Variants in ABL1 observed in about 807,000 individuals in gnomAD.
ABL1 encodes the protein ABL proto-oncogene 1, non-receptor tyrosine kinase.
A neutral mutation model predicts 94.7 loss-of-function variants in ABL1; 11 were observed. That is an observed-to-expected ratio of 0.12 (90% CI 0.07 to 0.19). ABL1 has a LOEUF of 0.19. Among genes scored for constraint, ABL1 ranks in the 10% least tolerant of loss-of-function variants. The pLI is 1.00. For missense variants in ABL1, 1,082 were observed against 1,489.4 expected (o/e 0.73, Z 4.50); for synonymous variants, 656 against 622.4 (o/e 1.05, Z -0.80).
At chr9:130,779,728 G>A (rs753432627) in intron 1 of ABL1, among the ~76,000 whole-genome samples, 2 of 152,220 alleles carry the variant, frequency 1.3e-5, no homozygotes, top group South Asian at 4.2e-4. Flanking sequence ...CGTGTTATGT[G>A]GGGAGTTACT....
chr9:130,884,276 C>A lies in ABL1; in HGVS notation c.1986C>A (p.Pro662=). 6.2e-7 allele frequency: 1 copy of A among 1,600,544 alleles called. No homozygotes were observed. ...CTGACCCAGCCAAGTCCCCAAAGCC[C>A]AGCAATGGGGCTGGGGTCCCCAATG... The part of the protein sequence containing the change: ...DTADPAKSPK[P]SNGAGVPNGA... Residue 662 remains proline, a synonymous_variant, in exon 11 of 11, where the codon CCC becomes CCA. Transcript: ENST00000318560. The surrounding 1 kb of genome is among the most constrained non-coding windows in gnomAD (Gnocchi z 5.6).
chr9:130,812,200 C>CA (rs35352789), intron 1 of ABL1, among the ~76,000 whole-genome samples: 7,609 of 48,270 alleles, frequency 0.16, 366 homozygotes, highest in Non-Finnish European at 0.22. Context: ...TCCATCTCTA[C>CA]AAAAAAAAAA....
chr9:130,808,244 C>CT lies in ABL1; in HGVS notation c.137-45818dup, dbSNP rs1267733961. Among the ~76,000 whole-genome samples the CT allele has an allele frequency of 1.4e-3, 136 of 98,620 alleles. 2 individuals are homozygous for CT. The highest frequency in any genetic ancestry group is 1.9e-3 in the Non-Finnish European group (94 of 50,806). 64.7% of individuals were successfully genotyped at this position (98,620 alleles called of 152,430 possible). On this transcript the variant is annotated intron_variant, in intron 1 of 10. Coordinates refer to the ABL1 transcript ENST00000372348. ...TCTTCTTCTTCTTCTTCTTCTTCTT[C>CT]TTCTTTTTTTTTTTTTTGAAATGGA...
At chr9:130,714,782 CTA>C (rs1214975309) in intron 1 of ABL1, among the ~76,000 whole-genome samples, 1 of 152,202 alleles carries the variant, frequency 6.6e-6, no homozygotes, top group African/African-American at 2.4e-5. Flanking sequence ...GTCCCTGGTT[CTA>C]TGATTCTGCT....
Position 130,720,954 on chromosome 9 carries a change from T to G in ABL1, c.136+6499T>G, listed in dbSNP as rs530433462. Among the ~76,000 whole-genome samples the G allele has an allele frequency of 6.6e-5, 10 of 151,336 alleles. 1 individual carries two copies. The South Asian group carries it at 2.1e-3, about 32-fold the overall frequency. On this transcript the variant is annotated intron_variant, in intron 1 of 10. Coordinates refer to the ABL1 transcript ENST00000372348. ...AGGTCGAGGCTGCAGTGGTAAGCTGTGATTGCGCCACTGCACTCCAGCCTG... is the reference window on the plus strand; with the variant it reads ...AGGTCGAGGCTGCAGTGGTAAGCTGGGATTGCGCCACTGCACTCCAGCCTG...
Position 130,880,436 on chromosome 9 carries a change from C to T in ABL1, c.1514-64C>T. On this transcript the variant is annotated intron_variant, in intron 9 of 10. Coordinates refer to ENST00000318560, the MANE Select transcript of ABL1 (RefSeq NM_005157.6). The surrounding 1 kb of genome is among the most constrained non-coding windows in gnomAD (Gnocchi z 4.4). ...ACCTTACAAAGAAAGAGAACCACCA[C>T]ACCAAGCCAACACCAGTACTGATGG... 3 of 1,582,102 alleles carry T rather than the reference C, an allele frequency of 1.9e-6. No individual in the cohort carries two copies. The highest frequency in any genetic ancestry group is 1.4e-5 in the African/African-American group (1 of 73,764).
rs1027888357 is a variant in ABL1, at chr9:130,884,633, G to C, written c.2343G>C (p.Thr781=). The C allele has an allele frequency of 6.2e-7, 1 of 1,613,334 alleles. No homozygotes were observed. Among genetic ancestry groups the C allele is most frequent in the Non-Finnish European group, 8.5e-7 (1 of 1,180,024 alleles). ...ACCAGGTGACCCGAGGCACAGTAAC[G>C]CCTCCCCCCAGGCTGGTGAAAAAGA... ...RSDQVTRGTV[T]PPPRLVKKNE... is the part of the protein sequence containing the mutation. The change falls in exon 11 of 11, where the codon ACG becomes ACC. Residue 781 remains threonine (T), a synonymous_variant. Transcript: ENST00000318560. The surrounding 1 kb of genome is among the most constrained non-coding windows in gnomAD (Gnocchi z 5.6).
Position 130,760,263 on chromosome 9 carries a change from C to T in ABL1, c.136+45808C>T, listed in dbSNP as rs985816236. ...GCTGTACCAAGGGTAAACAGTAGCT[C>T]CCTCCTTAACATCAGTCCTTTAGTG... On this transcript the variant is annotated intron_variant, in intron 1 of 10. Coordinates refer to the ABL1 transcript ENST00000372348. Among the ~76,000 whole-genome samples the T allele has an allele frequency of 3.0e-4, 46 of 152,124 alleles. 1 individual carries two copies. The highest frequency in any genetic ancestry group is 6.6e-4 in the Non-Finnish European group (45 of 68,032).
chr9:130,736,391 G>A (rs942198712), intron 1 of ABL1, among the ~76,000 whole-genome samples: 4 of 152,150 alleles, frequency 2.6e-5, no homozygotes, highest in Non-Finnish European at 5.9e-5. Context: ...AGAGTGTATT[G>A]TCAAGCTTTG....
At chr9:130,803,067 T>A (rs1830077201) in intron 1 of ABL1, among the ~76,000 whole-genome samples, 1 of 152,142 alleles carries the variant, frequency 6.6e-6, no homozygotes, top group East Asian at 1.9e-4. Context: ...GAGACAGAAG[T>A]CTTCCTCTGT....
At chr9:130,724,458 A>G (rs1831553368) in intron 1 of ABL1, among the ~76,000 whole-genome samples, 1 of 151,680 alleles carries the variant, frequency 6.6e-6, no homozygotes, top group African/African-American at 2.4e-5. Flanking sequence ...ATATATGTTT[A>G]TTTTATTTAT....
rs1168330887 is a variant in ABL1 at position 130,735,959 on chromosome 9, A to ATTTTTTTTT, written c.136+21505_136+21506insTTTTTTTTT. Among the ~76,000 whole-genome samples the ATTTTTTTTT allele has an allele frequency of 3.8e-3, 313 of 81,680 alleles. 5 individuals are homozygous for ATTTTTTTTT. Among genetic ancestry groups the ATTTTTTTTT allele is most frequent in the African/African-American group, 0.026 (299 of 11,540 alleles). The allele number at this position is 81,680 out of a possible 152,430, so 53.6% of individuals were successfully genotyped here. On this transcript the variant is annotated intron_variant, in intron 1 of 10. Coordinates refer to the ABL1 transcript ENST00000372348. The stretch of plus-strand genomic sequence containing the variant: ...CATATATATATATATATATATATAT[A>ATTTTTTTTT]TATTTTTTTTTTTTAAGACAGGGTC...
Position 130,885,901 on chromosome 9 carries a change from T to C in ABL1, c.*218T>C. On this transcript the variant is annotated 3_prime_UTR_variant, in exon 11 of 11. Transcript: ENST00000318560. ...ACCTTCCTCCTCCCCGCTCCGTCTC[T>C]GTCCTCGAATTTTATCTGTGGAGTT... 1.7e-6 allele frequency: 1 copy of C among 605,770 alleles called. No individual in the cohort carries two copies. Among genetic ancestry groups the C allele is most frequent in the Non-Finnish European group, 2.8e-6 (1 of 358,764 alleles). 37.5% of individuals were successfully genotyped at this position (605,770 alleles called of 1,614,324 possible). A position where few individuals can be genotyped will look rare whatever the true frequency, so the allele number is the denominator to read the frequency against.
At chr9:130,779,910 T>C (rs1170993273) in intron 1 of ABL1, among the ~76,000 whole-genome samples, 2 of 152,186 alleles carry the variant, frequency 1.3e-5, no homozygotes, top group Non-Finnish European at 2.9e-5. Context: ...TCTGCCATTG[T>C]ATTAATAGAG....
chr9:130,780,591 C>T (rs1203911134), intron 1 of ABL1, among the ~76,000 whole-genome samples: 2 of 152,168 alleles, frequency 1.3e-5, no homozygotes, highest in African/African-American at 4.8e-5. Flanking sequence ...TTTCTCCTCC[C>T]TCTTCCCTCA....
chr9:130,785,106 A>G (rs950947381), intron 1 of ABL1, among the ~76,000 whole-genome samples: 4 of 152,218 alleles, frequency 2.6e-5, no homozygotes, highest in African/African-American at 7.2e-5. Context: ...GACTCTGTCA[A>G]CAGTTTTCCT....
intron 1 of ABL1, among the ~76,000 whole-genome samples, chr9:130,760,943 C>CA (rs1832104885): frequency 1.2e-5 from 1 of 85,262 alleles, no homozygotes; most frequent in Non-Finnish European, 2.0e-5. Flanking sequence ...CCCGCCCCTG[C>CA]TTTTTTTTTT....
chr9:130,864,491 T>C (rs1010724564), intron 4 of ABL1, among the ~76,000 whole-genome samples: 2 of 152,214 alleles, frequency 1.3e-5, no homozygotes, highest in African/African-American at 2.4e-5. Flanking sequence ...GTGATCTGCC[T>C]ACCTCAGCCT....
At position 130,798,986 on chromosome 9, in the gene ABL1, A is replaced by G. The variant is rs533342843; in HGVS notation, c.137-55078A>G. Among the ~76,000 whole-genome samples, 86 of 150,916 alleles carry G rather than the reference A, an allele frequency of 5.7e-4. No homozygotes were observed. The South Asian group carries it at 9.1e-3, about 16-fold the overall frequency. ...CGTCTCAAAAAAAAAAAAAAAAAAGAATTGGAAGGGAATGGAGGAAGCAAG... is the reference window on the plus strand; with the variant it reads ...CGTCTCAAAAAAAAAAAAAAAAAAGGATTGGAAGGGAATGGAGGAAGCAAG... On this transcript the variant is annotated intron_variant, in intron 1 of 10. Transcript: ENST00000372348.
Sources: gnomAD v4.1 joint callset for allele counts (sites outside exome capture counted in the v4.1 genomes callset) on GRCh38, gnomAD v4.1.1 for gene constraint, Gnocchi (gnomAD v3.1) non-coding constraint, MANE v1.5 for transcripts, NCBI Gene and HGNC (gene_info 2026-07-23, HGNC 2026-07-21) for gene names.